The following MGLL variants were observed in gnomAD, a reference collection of about 807,000 sequenced individuals.
MGLL encodes the protein monoglyceride lipase.
In MGLL, 7 loss-of-function variants were observed where a neutral mutation model predicts 29.1. That is an observed-to-expected ratio of 0.24 (90% CI 0.14 to 0.45). The LOEUF (loss-of-function observed/expected upper bound fraction) is 0.45. Among genes scored for constraint, MGLL ranks in the 20% least tolerant of loss-of-function variants. The pLI is 0.99. For missense variants in MGLL, 356 were observed against 413.6 expected (o/e 0.86, Z 1.21); for synonymous variants, 148 against 168.3 (o/e 0.88, Z 0.93).
intron 6 of MGLL, among the ~76,000 whole-genome samples, chr3:127,696,025 G>T (rs1243599531): frequency 6.6e-6 from 1 of 152,174 alleles, no homozygotes; most frequent in African/African-American, 2.4e-5. Flanking sequence ...CACTGACAAT[G>T]GGCTTTGGGG....
chr3:127,776,394 C>T (rs1358600798), intron 3 of MGLL, among the ~76,000 whole-genome samples: 1 of 152,116 alleles, frequency 6.6e-6, no homozygotes, highest in East Asian at 1.9e-4. Flanking sequence ...GGAGCCCAGG[C>T]TTCAGGATTT....
chr3:127,754,985 C>T (rs759566287), intron 3 of MGLL, among the ~76,000 whole-genome samples: 72 of 152,136 alleles, frequency 4.7e-4, no homozygotes, highest in Admixed American at 7.9e-4. Context: ...GGGAGGAACG[C>T]GGGTTTCCAC....
intron 3 of MGLL, among the ~76,000 whole-genome samples, chr3:127,732,482 G>T (rs1377906982): frequency 6.6e-6 from 1 of 152,196 alleles, no homozygotes; most frequent in Non-Finnish European, 1.5e-5. Flanking sequence ...GGAAGCAGGG[G>T]ACTGAAGATT....
intron 3 of MGLL, among the ~76,000 whole-genome samples, chr3:127,724,772 G>A (rs1380860594): frequency 6.6e-6 from 1 of 152,128 alleles, no homozygotes; most frequent in African/African-American, 2.4e-5. Flanking sequence ...TCTTCCCACA[G>A]GCTTGGTCTC....
chr3:127,748,906 T>A (rs1209746621), intron 3 of MGLL, among the ~76,000 whole-genome samples: 2 of 152,184 alleles, frequency 1.3e-5, no homozygotes, highest in Non-Finnish European at 2.9e-5. Context: ...TGTAATTCTC[T>A]TTGCTTGGAA....
intron 3 of MGLL, among the ~76,000 whole-genome samples, chr3:127,731,262 CCCTGCCTCAACCTCCCAAGTACTGGG>C (rs2076144639): frequency 6.6e-6 from 1 of 151,634 alleles, no homozygotes; most frequent in Non-Finnish European, 1.5e-5. Flanking sequence ...TCAAGCAATC[CCCTGCCTCAACCTCCCAAGTACTGGG>C]ACTACAGGCG....
intron 2 of MGLL, among the ~76,000 whole-genome samples, chr3:127,814,402 G>A (rs2077717025): frequency 6.6e-6 from 1 of 152,194 alleles, no homozygotes; most frequent in Non-Finnish European, 1.5e-5. Context: ...AATCTTGGAT[G>A]ACCCTGCAAT....
chr3:127,815,507 C>T (rs528347471), intron 2 of MGLL, among the ~76,000 whole-genome samples: 8 of 152,362 alleles, frequency 5.3e-5, no homozygotes, highest in South Asian at 4.1e-4. Flanking sequence ...TTTGCCATGA[C>T]GCGGCCTTCT....
At chr3:127,708,494 CATT>C (rs1197891827) in intron 6 of MGLL, among the ~76,000 whole-genome samples, 2 of 152,114 alleles carry the variant, frequency 1.3e-5, no homozygotes, top group Non-Finnish European at 2.9e-5. Flanking sequence ...AAGAATTTCT[CATT>C]ATTGCAAAAA....
intron 2 of MGLL, among the ~76,000 whole-genome samples, chr3:127,788,480 C>T (rs756652322): frequency 6.6e-6 from 1 of 152,126 alleles, no homozygotes; most frequent in Non-Finnish European, 1.5e-5. Flanking sequence ...TAAGACAACA[C>T]CACGTAATGG....
Position 127,794,546 on chromosome 3 carries a change from A to C in MGLL, c.156-12651T>G, listed in dbSNP as rs772683569. ...GATGTAAGACTGTCTTCTGTGATGTAAGGCTGTCTTCTGTGATGTAAGGCT... is the reference window on the plus strand; with the variant it reads ...GATGTAAGACTGTCTTCTGTGATGTCAGGCTGTCTTCTGTGATGTAAGGCT... On this transcript the variant is annotated intron_variant, in intron 2 of 7. Coordinates refer to ENST00000265052, the MANE Select transcript of MGLL (RefSeq NM_007283.7). 6.4e-4 allele frequency among the ~76,000 whole-genome samples: 90 copies of C among 141,206 alleles called. 1 individual carries two copies. The highest frequency in any genetic ancestry group is 2.2e-3 in the Admixed American group (32 of 14,308). 92.6% of individuals were successfully genotyped at this position (141,206 alleles called of 152,430 possible).
At chr3:127,804,416 A>G (rs1201584629) in intron 2 of MGLL, among the ~76,000 whole-genome samples, 10 of 152,198 alleles carry the variant, frequency 6.6e-5, no homozygotes, top group Admixed American at 2.0e-4. Flanking sequence ...CCCCCATCCC[A>G]CAGTGACTCC....
intron 2 of MGLL, among the ~76,000 whole-genome samples, chr3:127,815,915 T>C (rs1386566476): frequency 6.6e-6 from 1 of 152,190 alleles, no homozygotes; most frequent in African/African-American, 2.4e-5. Context: ...CCAAGGACCA[T>C]GTAGACGTCA....
At chr3:127,706,775 T>G (rs1319550764) in intron 6 of MGLL, among the ~76,000 whole-genome samples, 1 of 152,154 alleles carries the variant, frequency 6.6e-6, no homozygotes, top group East Asian at 1.9e-4. Context: ...CCGAGTTTGC[T>G]GGAAGGTTCT....
At chr3:127,726,625 T>C (rs546484794) in intron 3 of MGLL, among the ~76,000 whole-genome samples, 6 of 151,914 alleles carry the variant, frequency 3.9e-5, no homozygotes, top group Non-Finnish European at 7.4e-5. Flanking sequence ...AGAGACGGTG[T>C]TTCACCATGT....
At chr3:127,779,208 A>C (rs1299313170) in intron 3 of MGLL, among the ~76,000 whole-genome samples, 2 of 152,142 alleles carry the variant, frequency 1.3e-5, no homozygotes, top group African/African-American at 4.8e-5. Flanking sequence ...CTCTACCAAA[A>C]ATACAAAAAT....
chr3:127,770,071 G>C (rs936548522), intron 3 of MGLL, among the ~76,000 whole-genome samples: 2 of 152,248 alleles, frequency 1.3e-5, no homozygotes, highest in East Asian at 1.9e-4. Flanking sequence ...TTTAGAATCA[G>C]AGAATTCTAG....
chr3:127,821,332 G>T (rs1253830452), intron 2 of MGLL, among the ~76,000 whole-genome samples: 1 of 152,080 alleles, frequency 6.6e-6, no homozygotes, highest in Non-Finnish European at 1.5e-5. Context: ...ATTACTTCGG[G>T]TTTCTCATCC....
At chr3:127,808,527 T>C (rs1467008260) in intron 2 of MGLL, among the ~76,000 whole-genome samples, 1 of 152,134 alleles carries the variant, frequency 6.6e-6, no homozygotes, top group African/African-American at 2.4e-5. Context: ...GAATGTAAAA[T>C]GATGATAGGC....
Sources: gnomAD v4.1 joint callset for allele counts (sites outside exome capture counted in the v4.1 genomes callset) on GRCh38, gnomAD v4.1.1 for gene constraint, MANE v1.5 for transcripts, NCBI Gene and HGNC (gene_info 2026-07-23, HGNC 2026-07-21) for gene names.